BTBD9: variants seen among roughly 807,000 people sequenced by gnomAD.
BTBD9 encodes the protein BTB domain containing 9, also known as BTB/POZ domain-containing protein 9.
In BTBD9, 49 loss-of-function variants were observed where a neutral mutation model predicts 64.3. That is an observed-to-expected ratio of 0.76 (90% CI 0.61 to 0.97). The LOEUF (loss-of-function observed/expected upper bound fraction) is 0.97. Ranked by LOEUF, BTBD9 falls within the 50% of genes least tolerant of loss-of-function variation. The probability of loss-of-function intolerance (pLI) is 0.00; values close to 1 mark genes in which losing one functional copy is unlikely to be tolerated. For synonymous variants in BTBD9, 260 were observed against 274.7 expected, an observed-to-expected ratio of 0.95 and a Z score of 0.53; for missense variants, 598 against 762.1, an observed-to-expected ratio of 0.78 and a Z score of 2.53.
chr6:38,466,041 G>A (rs1257742473), intron 6 of BTBD9, among the ~76,000 whole-genome samples: 1 of 150,576 alleles, frequency 6.6e-6, no homozygotes, highest in Non-Finnish European at 1.5e-5. Flanking sequence ...TCAAGTTCCT[G>A]GTTTCAAGTG....
intron 1 of BTBD9, among the ~76,000 whole-genome samples, chr6:38,599,820 C>T (rs968980599): frequency 2.6e-5 from 4 of 152,174 alleles, no homozygotes; most frequent in African/African-American, 9.7e-5. Context: ...ATATGCCCAC[C>T]CTCAAAAGGG....
intron 6 of BTBD9, among the ~76,000 whole-genome samples, chr6:38,465,830 T>A (rs1423793004): frequency 9.3e-6 from 1 of 108,014 alleles, no homozygotes; most frequent in Non-Finnish European, 1.9e-5. Context: ...TTCTTTCTTT[T>A]TTCCTTTTTT....
At chr6:38,589,710 T>G (rs886689363) in intron 4 of BTBD9, among the ~76,000 whole-genome samples, 10 of 152,198 alleles carry the variant, frequency 6.6e-5, no homozygotes, top group African/African-American at 2.4e-4. Context: ...ATGGCCTAAT[T>G]CCCTGGCAGC....
intron 6 of BTBD9, among the ~76,000 whole-genome samples, chr6:38,405,482 T>C (rs183690144): frequency 5.9e-5 from 9 of 152,266 alleles, no homozygotes; most frequent in Admixed American, 4.6e-4. Flanking sequence ...TTATAGGAAG[T>C]TGGAAGTCTG....
chr6:38,294,823 T>C (rs894223156), intron 7 of BTBD9, among the ~76,000 whole-genome samples: 5 of 149,894 alleles, frequency 3.3e-5, no homozygotes, highest in Non-Finnish European at 7.4e-5. Flanking sequence ...AAAATAAAAT[T>C]TTGTGCCAAA....
rs577587088 is a variant in BTBD9 at position 38,456,396 on chromosome 6, G to T, written c.1155-111303C>A. Reference sequence around the variant, plus strand: ...AGTGAAATGGTGGTATCATATGGAGGTTTATGTTTAACTTTGTAAGAACAA... The same window carrying T: ...AGTGAAATGGTGGTATCATATGGAGTTTTATGTTTAACTTTGTAAGAACAA... On this transcript the variant is annotated intron_variant, in intron 6 of 10. Coordinates refer to ENST00000481247, the MANE Select transcript of BTBD9 (RefSeq NM_001099272.2). Among the ~76,000 whole-genome samples, 5 of 152,288 alleles carry T rather than the reference G, an allele frequency of 3.3e-5. No homozygotes were observed. In the South Asian group the frequency reaches 1.0e-3, roughly 32 times the overall value.
intron 1 of BTBD9, among the ~76,000 whole-genome samples, chr6:38,615,295 C>T (rs1777746669): frequency 6.6e-6 from 1 of 152,220 alleles, no homozygotes; most frequent in African/African-American, 2.4e-5. Context: ...CATTTCCACC[C>T]TTACATGCCA....
chr6:38,598,207 AT>A (rs1254367609), intron 1 of BTBD9, 86 bp from the exon 2 acceptor site: 1 of 1,030,428 alleles, frequency 9.7e-7, no homozygotes, highest in African/African-American at 1.6e-5. Flanking sequence ...CTAAGTAAAA[AT>A]TTAAAGTGCT....
At chr6:38,639,038 A>G (rs570049036) in intron 1 of BTBD9, among the ~76,000 whole-genome samples, 1 of 152,336 alleles carries the variant, frequency 6.6e-6, no homozygotes, top group Non-Finnish European at 1.5e-5. Flanking sequence ...CCTTTAGGAA[A>G]AACAAACAAA....
chr6:38,355,961 G>A (rs544620507), intron 6 of BTBD9, among the ~76,000 whole-genome samples: 1 of 152,174 alleles, frequency 6.6e-6, no homozygotes, highest in Non-Finnish European at 1.5e-5. Context: ...TGTTTGGCTG[G>A]GTACAGAATC....
At chr6:38,455,988 CTT>C (rs931998887) in intron 6 of BTBD9, among the ~76,000 whole-genome samples, 9 of 145,422 alleles carry the variant, frequency 6.2e-5, no homozygotes, top group Non-Finnish European at 1.5e-5. Context: ...TTTTTTTTTT[CTT>C]TTTTTTCTTT....
chr6:38,475,459 G>C (rs776658157), intron 6 of BTBD9, among the ~76,000 whole-genome samples: 1 of 152,168 alleles, frequency 6.6e-6, no homozygotes, highest in Non-Finnish European at 1.5e-5. Context: ...CTGCAGCTAT[G>C]GGTCTGTGAG....
intron 6 of BTBD9, among the ~76,000 whole-genome samples, chr6:38,576,012 G>A (rs1776010713): frequency 6.6e-6 from 1 of 152,260 alleles, no homozygotes; most frequent in African/African-American, 2.4e-5. Context: ...TACAACAGGA[G>A]CTTTCAGGTG....
At position 38,331,292 on chromosome 6, in the gene BTBD9, A is replaced by G. The variant is rs1012016795; in HGVS notation, c.1264+13692T>C. ...GCCAGGTGTTTGAGACAGCCTGGCCAACATGGTGAAACCCTATCTCTATTA... is the reference window on the plus strand; with the variant it reads ...GCCAGGTGTTTGAGACAGCCTGGCCGACATGGTGAAACCCTATCTCTATTA... On this transcript the variant is annotated intron_variant, in intron 7 of 10. Coordinates refer to ENST00000481247, the MANE Select transcript of BTBD9 (RefSeq NM_001099272.2). 1.2e-4 allele frequency among the ~76,000 whole-genome samples: 18 copies of G among 152,156 alleles called. 2 individuals carry two copies.
At chr6:38,525,945 T>C (rs1317186722) in intron 6 of BTBD9, among the ~76,000 whole-genome samples, 1 of 152,188 alleles carries the variant, frequency 6.6e-6, no homozygotes, top group Non-Finnish European at 1.5e-5. Context: ...CCTGGCCCTG[T>C]AGTAGAAAAG....
At chr6:38,500,334 A>G (rs1192250148) in intron 6 of BTBD9, among the ~76,000 whole-genome samples, 1 of 152,178 alleles carries the variant, frequency 6.6e-6, no homozygotes. Flanking sequence ...AACACTGGTA[A>G]TAAACCCTCC....
chr6:38,191,826 G>A (rs10807191), intron 10 of BTBD9, among the ~76,000 whole-genome samples: 83,293 of 152,034 alleles, frequency 0.55, 23,739 homozygotes, highest in Non-Finnish European at 0.63. Context: ...CCGCTGTGCC[G>A]TGGAGCTTCA....
chr6:38,325,244 A>G (rs1434299154), intron 7 of BTBD9, among the ~76,000 whole-genome samples: 4 of 152,208 alleles, frequency 2.6e-5, no homozygotes, highest in Non-Finnish European at 5.9e-5. Flanking sequence ...GGAAATAAAC[A>G]TACTAGAGAT....
intron 6 of BTBD9, among the ~76,000 whole-genome samples, chr6:38,384,539 A>C (rs1378779331): frequency 5.3e-5 from 8 of 152,210 alleles, no homozygotes; most frequent in Admixed American, 5.2e-4. Context: ...GCACTTATAA[A>C]CTGCAATAAC....
Sources: gnomAD v4.1 joint callset for allele counts (sites outside exome capture counted in the v4.1 genomes callset) on GRCh38, gnomAD v4.1.1 for gene constraint, MANE v1.5 for transcripts, NCBI Gene and HGNC (gene_info 2026-07-23, HGNC 2026-07-21) for gene names.